Variants in DGKB observed in about 807,000 individuals in gnomAD.
DGKB encodes the protein diacylglycerol kinase beta.
A neutral mutation model predicts 114.3 loss-of-function variants in DGKB; 67 were observed. That is an observed-to-expected ratio of 0.59 (90% confidence interval 0.48 to 0.72). The LOEUF is 0.72. Ranked by LOEUF, DGKB falls within the 30% of genes least tolerant of loss-of-function variation. DGKB has a pLI of 0.00. For missense variants in DGKB, 907 were observed against 975.2 expected (o/e 0.93, Z 0.93); for synonymous variants, 398 against 323.1 (o/e 1.23, Z -2.49).
intron 2 of DGKB, among the ~76,000 whole-genome samples, chr7:14,763,115 C>T (rs1365789230): frequency 6.6e-6 from 1 of 152,090 alleles, no homozygotes; most frequent in African/African-American, 2.4e-5. Flanking sequence ...ATTGTGAAGG[C>T]ATCCCATCAT....
chr7:14,739,703 C>G (rs530749162), intron 4 of DGKB, among the ~76,000 whole-genome samples: 1 of 152,168 alleles, frequency 6.6e-6, no homozygotes, highest in African/African-American at 2.4e-5. Flanking sequence ...CTGGGCCTTC[C>G]AGTCCTCAGA....
intron 23 of DGKB, among the ~76,000 whole-genome samples, chr7:14,331,259 A>T (rs1298572545): frequency 6.6e-6 from 1 of 152,078 alleles, no homozygotes; most frequent in East Asian, 1.9e-4. Flanking sequence ...TGTGAAATGC[A>T]ACATCTCAAA....
At chr7:14,784,264 A>G (rs1257157947) in intron 2 of DGKB, among the ~76,000 whole-genome samples, 1 of 152,014 alleles carries the variant, frequency 6.6e-6, no homozygotes, top group Non-Finnish European at 1.5e-5. Context: ...GTTATACTAG[A>G]GAGAACAACA....
chr7:14,918,054 C>G (rs753510089), intron 1 of DGKB, among the ~76,000 whole-genome samples: 11 of 152,048 alleles, frequency 7.2e-5, no homozygotes, highest in Non-Finnish European at 1.5e-4. Flanking sequence ...AAATTCAACA[C>G]CCATTCTTCA....
chr7:14,959,400 T>A (rs953186787), intron 1 of DGKB, among the ~76,000 whole-genome samples: 1 of 151,876 alleles, frequency 6.6e-6, no homozygotes, highest in African/African-American at 2.4e-5. Flanking sequence ...TAAATGTGTG[T>A]TTTATCCTCA....
chr7:14,889,724 A>G (rs188888895), intron 1 of DGKB, among the ~76,000 whole-genome samples: 9 of 151,776 alleles, frequency 5.9e-5, no homozygotes, highest in East Asian at 3.9e-4. Context: ...ATGGAAAGGA[A>G]AAGAGTCCTA....
At chr7:14,787,748 A>C (rs1388362399) in intron 2 of DGKB, among the ~76,000 whole-genome samples, 1 of 152,224 alleles carries the variant, frequency 6.6e-6, no homozygotes, top group Non-Finnish European at 1.5e-5. Context: ...TGACGTGAGC[A>C]TACCCCCAGT....
intron 5 of DGKB, among the ~76,000 whole-genome samples, chr7:14,726,552 A>G (rs971739364): frequency 3.9e-5 from 6 of 152,312 alleles, no homozygotes; most frequent in African/African-American, 1.2e-4. Context: ...CTGGTTTTCA[A>G]GACTCTTAAG....
chr7:14,689,504 A>G (rs1298920894), intron 9 of DGKB, among the ~76,000 whole-genome samples: 3 of 152,134 alleles, frequency 2.0e-5, no homozygotes, highest in Non-Finnish European at 4.4e-5. Flanking sequence ...GATGAGCTCT[A>G]TTAGGCCTGG....
chr7:14,769,220 AAGAG>A lies in DGKB; in HGVS notation c.71-11493_71-11490del, dbSNP rs199632692. Among the ~76,000 whole-genome samples the A allele has an allele frequency of 1.2e-3, 142 of 117,948 alleles. 1 individual carries two copies. The highest frequency in any genetic ancestry group is 3.9e-3 in the African/African-American group (120 of 30,626). 77.4% of individuals were successfully genotyped at this position (117,948 alleles called of 152,430 possible). The stretch of plus-strand genomic sequence containing the variant: ...GAAAGGAAGAAAGGAAAGAAAGAGA[AAGAG>A]AGAGAGAAAGAAAGAAAGAAAGAAA... On this transcript the variant is annotated intron_variant, in intron 2 of 25. Coordinates refer to ENST00000402815, the MANE Select transcript of DGKB (RefSeq NM_001350709.2).
chr7:14,483,685 T>C (rs971780768), intron 20 of DGKB, among the ~76,000 whole-genome samples: 1 of 152,134 alleles, frequency 6.6e-6, no homozygotes, highest in African/African-American at 2.4e-5. Flanking sequence ...GAGAAGATTA[T>C]CCAGGTGGGA....
rs1843813179 is a variant in DGKB at position 14,814,317 on chromosome 7, C to A, written c.70+26877G>T. 2.0e-5 allele frequency among the ~76,000 whole-genome samples: 3 copies of A among 152,076 alleles called. 1 individual carries two copies. Among genetic ancestry groups the A allele is most frequent in the Admixed American group, 2.0e-4 (3 of 15,246 alleles). On this transcript the variant is annotated intron_variant, in intron 2 of 25. Transcript: ENST00000402815. ...CTTTATTACCAGAGTGAGGTCAAAC[C>A]AGTACCAAGAACAGCAAAATAAAGT...
intron 9 of DGKB, among the ~76,000 whole-genome samples, chr7:14,688,682 C>G (rs1822149552): frequency 6.6e-6 from 1 of 152,156 alleles, no homozygotes; most frequent in Admixed American, 6.5e-5. Context: ...CTAGGCTACT[C>G]CATGCTGAGA....
intron 20 of DGKB, among the ~76,000 whole-genome samples, chr7:14,541,269 T>C (rs1021288904): frequency 6.6e-6 from 1 of 152,136 alleles, no homozygotes. Flanking sequence ...AAAATAAACA[T>C]CATTTACAAA....
At chr7:14,689,773 A>T (rs1822488680) in intron 9 of DGKB, among the ~76,000 whole-genome samples, 1 of 152,212 alleles carries the variant, frequency 6.6e-6, no homozygotes. Flanking sequence ...AACCAAATTA[A>T]AAACTTTTAA....
chr7:14,539,659 G>A (rs1038343179), intron 20 of DGKB, among the ~76,000 whole-genome samples: 5 of 152,056 alleles, frequency 3.3e-5, no homozygotes, highest in Admixed American at 2.0e-4. Flanking sequence ...TGTTAACTCA[G>A]TAATGAAAAG....
At chr7:14,949,428 A>G (rs1358599535) in intron 1 of DGKB, among the ~76,000 whole-genome samples, 6 of 152,000 alleles carry the variant, frequency 3.9e-5, no homozygotes, top group Admixed American at 1.3e-4. Context: ...CATCATATAG[A>G]AAATTGTAAA....
intron 25 of DGKB, among the ~76,000 whole-genome samples, chr7:14,170,968 G>A (rs1310305078): frequency 6.6e-6 from 1 of 152,108 alleles, no homozygotes; most frequent in Non-Finnish European, 1.5e-5. Context: ...GCATCTCATG[G>A]AATGGGTCAC....
intron 20 of DGKB, among the ~76,000 whole-genome samples, chr7:14,538,559 A>G (rs1473688679): frequency 3.3e-5 from 5 of 152,162 alleles, no homozygotes; most frequent in Non-Finnish European, 7.4e-5. Context: ...TGCAGCCACT[A>G]TGATAAAATA....
Sources: gnomAD v4.1 joint callset for allele counts (sites outside exome capture counted in the v4.1 genomes callset) on GRCh38, gnomAD v4.1.1 for gene constraint, MANE v1.5 for transcripts, NCBI Gene and HGNC (gene_info 2026-07-23, HGNC 2026-07-21) for gene names.